Variants in PPTC7 observed in about 807,000 individuals in gnomAD.
PPTC7 encodes the protein protein phosphatase PTC7 homolog.
In PPTC7, 6 loss-of-function variants were observed where a neutral mutation model predicts 30.8. The observed-to-expected ratio is 0.19, with a 90% CI of 0.11 to 0.38. The LOEUF (loss-of-function observed/expected upper bound fraction) is 0.38, where lower values mean the gene tolerates loss of function less well. PPTC7 is among the 10% of genes least tolerant of loss of function. PPTC7 has a pLI of 1.00. For synonymous variants in PPTC7, 163 were observed against 168.1 expected (o/e 0.97, Z 0.23); for missense variants, 218 against 404.8 (o/e 0.54, Z 3.96).
rs1186866574 is a variant in PPTC7, at chr12:110,537,049, C to T, written c.903G>A (p.Glu301=). The T allele has an allele frequency of 1.2e-6, 2 of 1,613,098 alleles. No individual in the cohort carries two copies. The highest frequency in any genetic ancestry group is 4.5e-5 in the East Asian group (2 of 44,888). The change falls in exon 6 of 6, where the codon GAG becomes GAA. Residue 301 remains glutamate (E), a synonymous_variant. Transcript: ENST00000354300. ...DITVLLSIVA[E]YTD is the part of the protein sequence containing the mutation. ...CTTGACACCTCAGCTAGTCTGTATA[C>T]TCAGCCACTATTGAAAGAAGGACGG...
At chr12:110,582,768 G>T (rs1350744238) in intron 1 of PPTC7, 41 bp downstream of exon 1, 19 of 1,481,358 alleles carry the variant, frequency 1.3e-5, no homozygotes, top group Non-Finnish European at 1.6e-5. Flanking sequence ...CCCGGGAGGC[G>T]GATCCGAGGC....
chr12:110,564,728 C>T (rs188849984), intron 1 of PPTC7, among the ~76,000 whole-genome samples: 9 of 151,040 alleles, frequency 6.0e-5, no homozygotes, highest in Admixed American at 2.0e-4. Flanking sequence ...AGAACTGTCT[C>T]TTAATTTCTG....
chr12:110,582,674 G>A (rs1229390953), intron 1 of PPTC7, 135 bp downstream of exon 1: 1 of 732,816 alleles, frequency 1.4e-6, no homozygotes, highest in Non-Finnish European at 2.1e-6. Flanking sequence ...ACGGCGCCTG[G>A]CGCATAGTAA....
At position 110,583,078 on chromosome 12, in the gene PPTC7, G is replaced by A; in HGVS notation, c.-47C>T. 3.0e-6 allele frequency: 4 copies of A among 1,326,624 alleles called. No homozygotes were observed. Among genetic ancestry groups the A allele is most frequent in the East Asian group, 6.3e-5 (2 of 31,966 alleles). 82.2% of individuals were successfully genotyped at this position (1,326,624 alleles called of 1,614,324 possible). A position where few individuals can be genotyped will look rare whatever the true frequency, so the allele number is the denominator to read the frequency against. ...GAGGCGGGGGGCCGGGGGAGCAGGA[G>A]GACGCGGAGGCCCGGAGCCGGCTCT... On this transcript the variant is annotated 5_prime_UTR_variant, in exon 1 of 6. Coordinates refer to ENST00000354300, the MANE Select transcript of PPTC7 (RefSeq NM_139283.2).
At chr12:110,563,122 CAAAAAAAAAAAAAA>C (rs766517371) in intron 1 of PPTC7, among the ~76,000 whole-genome samples, 1 of 43,094 alleles carries the variant, frequency 2.3e-5, no homozygotes. Flanking sequence ...GACTCCATCT[CAAAAAAAAAAAAAA>C]AAAAAAAAAA....
intron 1 of PPTC7, among the ~76,000 whole-genome samples, chr12:110,568,948 G>A (rs985700539): frequency 1.3e-5 from 2 of 152,106 alleles, no homozygotes; most frequent in Non-Finnish European, 2.9e-5. Flanking sequence ...CCGGGAGGTC[G>A]AGGCTGCAGT....
chr12:110,538,271 A>G lies in PPTC7; in HGVS notation c.729T>C (p.Asn243=). Residue 243 remains asparagine (N), a splice_region_variant and synonymous_variant, in exon 5 of 6, where the codon AAT becomes AAC. Coordinates refer to ENST00000354300, the MANE Select transcript of PPTC7 (RefSeq NM_139283.2). ...TCTGTTGTATACTCTCATAATTTGAATTCTAAGATAAAGCATGAGGAAGTT... is the reference window on the plus strand; with the variant it reads ...TCTGTTGTATACTCTCATAATTTGAGTTCTAAGATAAAGCATGAGGAAGTT... ...MILQELKKLK[N]SNYESIQQTA... is the part of the protein sequence containing the mutation. 6.2e-7 allele frequency: 1 copy of G among 1,613,886 alleles called. No individual in the cohort carries two copies. Among genetic ancestry groups the G allele is most frequent in the South Asian group, 1.1e-5 (1 of 91,072 alleles).
At chr12:110,582,661 G>T in intron 1 of PPTC7, 148 bp downstream of exon 1, 2 of 679,778 alleles carry the variant, frequency 2.9e-6, no homozygotes, top group Non-Finnish European at 4.8e-6. Context: ...CGGAGCGCTT[G>T]GCACGGCGCC....
At chr12:110,556,424 T>C (rs2064387696) in intron 1 of PPTC7, among the ~76,000 whole-genome samples, 1 of 152,238 alleles carries the variant, frequency 6.6e-6, no homozygotes, top group Non-Finnish European at 1.5e-5. Context: ...CACGTACATA[T>C]GAAACCTAAT....
At chr12:110,562,803 AAAG>A (rs2064449253) in intron 1 of PPTC7, among the ~76,000 whole-genome samples, 1 of 151,208 alleles carries the variant, frequency 6.6e-6, no homozygotes, top group African/African-American at 2.4e-5. Flanking sequence ...AAAAAAGAAA[AAAG>A]AAGAGGAAAA....
intron 1 of PPTC7, among the ~76,000 whole-genome samples, chr12:110,562,443 A>G (rs1247934755): frequency 6.6e-6 from 1 of 152,092 alleles, no homozygotes; most frequent in Non-Finnish European, 1.5e-5. Context: ...TGGAGGTAAA[A>G]TTATATAGAT....
chr12:110,536,741 G>T lies in PPTC7; in HGVS notation c.*296C>A. 1 of 350,464 alleles carries T rather than the reference G, an allele frequency of 2.9e-6. No individual in the cohort carries two copies. The highest frequency in any genetic ancestry group is 5.1e-6 in the Non-Finnish European group (1 of 195,704). The allele number at this position is 350,464 out of a possible 1,614,324, so 21.7% of individuals were successfully genotyped here. A position where few individuals can be genotyped will look rare whatever the true frequency, so the allele number is the denominator to read the frequency against. ...TTCAATACTTCAACTACTTTGAAAAGTAACAGCCACGGTGGCACTGAACAC... is the reference window on the plus strand; with the variant it reads ...TTCAATACTTCAACTACTTTGAAAATTAACAGCCACGGTGGCACTGAACAC... On this transcript the variant is annotated 3_prime_UTR_variant, in exon 6 of 6. Transcript: ENST00000354300.
intron 3 of PPTC7, among the ~76,000 whole-genome samples, chr12:110,540,929 C>T (rs1593142993): frequency 6.6e-6 from 1 of 151,792 alleles, no homozygotes; most frequent in East Asian, 2.0e-4. Context: ...GTGCCCGCAA[C>T]CATGCCCGGC....
chr12:110,567,165 C>T (rs1157937235), intron 1 of PPTC7, among the ~76,000 whole-genome samples: 1 of 152,204 alleles, frequency 6.6e-6, no homozygotes, highest in Non-Finnish European at 1.5e-5. Flanking sequence ...GAGTCTCACA[C>T]AGCTAACCGT....
intron 3 of PPTC7, among the ~76,000 whole-genome samples, chr12:110,540,321 C>CCCCCCCCT (rs377082561): frequency 1.9e-5 from 2 of 105,012 alleles, no homozygotes; most frequent in Non-Finnish European, 3.6e-5. Context: ...CCCCCCCCGC[C>CCCCCCCCT]TTTTTTTTTT....
chr12:110,578,579 G>A (rs1199966639), intron 1 of PPTC7, among the ~76,000 whole-genome samples: 1 of 152,082 alleles, frequency 6.6e-6, no homozygotes, highest in African/African-American at 2.4e-5. Context: ...TTAAATTAAA[G>A]AAACAAAAGA....
intron 1 of PPTC7, among the ~76,000 whole-genome samples, chr12:110,571,679 G>GA (rs1180939822): frequency 6.6e-6 from 1 of 152,102 alleles, no homozygotes; most frequent in Non-Finnish European, 1.5e-5. Context: ...GAATGTACAG[G>GA]AAAAAACATA....
At chr12:110,555,476 G>C (rs1234687792) in intron 1 of PPTC7, among the ~76,000 whole-genome samples, 1 of 152,158 alleles carries the variant, frequency 6.6e-6, no homozygotes, top group Non-Finnish European at 1.5e-5. Context: ...ATATATATTT[G>C]AAATTTTCCA....
intron 3 of PPTC7, among the ~76,000 whole-genome samples, chr12:110,540,877 G>A (rs140542521): frequency 0.08 from 12,124 of 151,506 alleles, 519 homozygotes; most frequent in Middle Eastern, 0.11. Context: ...CTGGGTTCAC[G>A]CCATTCTCCT....
Sources: allele counts gnomAD v4.1 joint callset (sites outside exome capture counted in the v4.1 genomes callset), GRCh38; gene constraint gnomAD v4.1.1; transcripts MANE v1.5; gene names NCBI Gene and HGNC (gene_info 2026-07-23, HGNC 2026-07-21).